The following DENND6B variants were observed in gnomAD, a reference collection of about 807,000 sequenced individuals.
DENND6B encodes DENN domain containing 6B, also known as protein DENND6B.
In DENND6B, 73 loss-of-function variants were observed where a neutral mutation model predicts 85.1. That is an observed-to-expected ratio of 0.86 (90% CI 0.71 to 1.04). DENND6B has a LOEUF of 1.04. Among genes scored for constraint, DENND6B ranks in the 50% least tolerant of loss-of-function variants. DENND6B has a pLI of 0.00. For missense variants in DENND6B, 715 were observed against 785.8 expected (o/e 0.91, Z 1.08); for synonymous variants, 357 against 329.3 (o/e 1.08, Z -0.91).
At position 50,315,755 on chromosome 22, in the gene DENND6B, G is replaced by A. The variant is rs1369564343; in HGVS notation, c.717C>T (p.Ala239=). 2.6e-6 allele frequency: 4 copies of A among 1,545,932 alleles called. No homozygotes were observed. The highest frequency in any genetic ancestry group is 3.5e-6 in the Non-Finnish European group (4 of 1,146,856). ...KQFDQENLLP[A]PVVLASVHEL... is the part of the protein sequence containing the mutation. ...CGTGGACGCTAGCAAGAACCACTGG[G>A]GCTGGCAGCAGGTTCTGAGAGGAGG... is the stretch of plus-strand genomic sequence containing the variant. Residue 239 remains alanine, a synonymous_variant, in exon 9 of 20, where the codon GCC becomes GCT. Transcript: ENST00000413817.
Position 50,326,947 on chromosome 22 carries a change from G to A in DENND6B, c.42C>T (p.Gly14=). Residue 14 remains glycine (G), a synonymous_variant, in exon 1 of 20, where the codon GGC becomes GGT. Coordinates refer to ENST00000413817, the MANE Select transcript of DENND6B (RefSeq NM_001001794.4). Reference sequence around the variant, plus strand: ...ACGTGGGTCCAGCCGCGCCCAGGCAGCCGCGAGCCCGGCGAGGCCCTGTGC... The same window carrying A: ...ACGTGGGTCCAGCCGCGCCCAGGCAACCGCGAGCCCGGCGAGGCCCTGTGC... ...LLGTGPRRAR[G]CLGAAGPTSS... 7.8e-7 allele frequency: 1 copy of A among 1,284,928 alleles called. No individual in the cohort carries two copies. The highest frequency in any genetic ancestry group is 9.8e-7 in the Non-Finnish European group (1 of 1,021,720). 79.6% of individuals were successfully genotyped at this position (1,284,928 alleles called of 1,614,324 possible). A position where few individuals can be genotyped will look rare whatever the true frequency, so the allele number is the denominator to read the frequency against.
chr22:50,316,340 C>A (rs1412846349), intron 6 of DENND6B, 30 bp downstream of exon 6: 6 of 1,562,080 alleles, frequency 3.8e-6, no homozygotes, highest in East Asian at 4.8e-5. Context: ...GATGATGAGA[C>A]CACGATGGCC....
rs1369518642 is a variant in DENND6B at position 50,316,536 on chromosome 22, G to A, written c.454-61C>T. On this transcript the variant is annotated intron_variant, in intron 5 of 19. Transcript: ENST00000413817. ...CAGGCCTCACCCTCGCCACTCAGGA[G>A]CCCACGGGGACCACCGAAGCCACGC... 3 of 1,548,994 alleles carry A rather than the reference G, an allele frequency of 1.9e-6. No individual in the cohort carries two copies. The South Asian group carries it at 3.6e-5, about 18-fold the overall frequency.
In DENND6B at chr22:50,314,195, G is replaced by A; in HGVS notation, c.1138+12C>T. On this transcript the variant is annotated intron_variant, in intron 13 of 19. Coordinates refer to ENST00000413817, the MANE Select transcript of DENND6B (RefSeq NM_001001794.4). ...CACGGTGGAGGGGCTCCAGGTCGAG[G>A]GGAGCACAGACCTGGCTTGGTGTCC... The A allele has an allele frequency of 2.5e-6, 4 of 1,598,646 alleles. No individual in the cohort carries two copies. The highest frequency in any genetic ancestry group is 3.4e-6 in the Non-Finnish European group (4 of 1,175,448).
In DENND6B at chr22:50,316,076, T is replaced by G. The variant is rs1220968245; in HGVS notation, c.651A>C (p.Pro217=). 1.1e-5 allele frequency: 18 copies of G among 1,612,562 alleles called. No individual in the cohort carries two copies. The highest frequency in any genetic ancestry group is 1.3e-5 in the African/African-American group (1 of 75,014). ...TGGACTCGGACTTGTCCACCCTGGA[T>G]GGGATGCGCACCTGGGAGAAGGAGG... The part of the protein sequence containing the change: ...VMGVVVQVRI[P]SRVDKSESSP... The change falls in exon 8 of 20, where the codon CCA becomes CCC. Residue 217 remains proline, a synonymous_variant. Transcript: ENST00000413817.
At chr22:50,324,313 C>T (rs2042134031) in intron 1 of DENND6B, among the ~76,000 whole-genome samples, 1 of 152,220 alleles carries the variant, frequency 6.6e-6, no homozygotes, top group Non-Finnish European at 1.5e-5. Flanking sequence ...ACTTACTCTC[C>T]ATATCACTGG....
chr22:50,325,672 C>G (rs934978844), intron 1 of DENND6B, among the ~76,000 whole-genome samples: 1 of 152,112 alleles, frequency 6.6e-6, no homozygotes, highest in Non-Finnish European at 1.5e-5. Flanking sequence ...TTGTGGGGAA[C>G]AATCTGGGCA....
intron 1 of DENND6B, chr22:50,319,507 G>C: frequency 1.5e-5 from 15 of 971,278 alleles, no homozygotes; most frequent in Non-Finnish European, 1.8e-5. Context: ...GCATCAGAAG[G>C]GTAGTGCTTC....
Position 50,317,974 on chromosome 22 carries a change from T to A in DENND6B, c.306A>T (p.Gly102=). The change falls in exon 4 of 20, where the codon GGA becomes GGT. Residue 102 remains glycine (G), a synonymous_variant. Transcript: ENST00000413817. The stretch of plus-strand genomic sequence containing the variant: ...CGGCATGCCAGGGGCTCCTCTGCCC[T>A]CCACACTGGCGCATGCGGAAGCTGA... ...TQFSFRMRQC[G]GQRSPWHADD... 1 of 1,612,500 alleles carries A rather than the reference T, an allele frequency of 6.2e-7. No individual in the cohort carries two copies. The highest frequency in any genetic ancestry group is 8.5e-7 in the Non-Finnish European group (1 of 1,179,680).
intron 1 of DENND6B, among the ~76,000 whole-genome samples, chr22:50,323,785 A>C (rs948646037): frequency 7.3e-6 from 1 of 136,874 alleles, no homozygotes; most frequent in Non-Finnish European, 1.5e-5. Context: ...CCTAGGCTGG[A>C]GTGCAGTGGT....
chr22:50,309,351 G>A lies in DENND6B; in HGVS notation c.*2788C>T, dbSNP rs1196299373. On this transcript the variant is annotated 3_prime_UTR_variant, in exon 20 of 20. Transcript: ENST00000413817. The stretch of plus-strand genomic sequence containing the variant: ...ACTCTGGCCAGGGGTAGAGCTGTCT[G>A]GACCTTCCTGCCTCTTCACTGACTG... The A allele has an allele frequency of 6.6e-6, 1 of 152,426 alleles. No homozygotes were observed. Among genetic ancestry groups the A allele is most frequent in the African/African-American group, 2.4e-5 (1 of 41,468 alleles). 9.4% of individuals were successfully genotyped at this position (152,426 alleles called of 1,614,324 possible). A position where few individuals can be genotyped will look rare whatever the true frequency, so the allele number is the denominator to read the frequency against.
intron 3 of DENND6B, 68 bp downstream of exon 3, chr22:50,318,779 C>G: frequency 6.3e-7 from 1 of 1,595,080 alleles, no homozygotes; most frequent in South Asian, 1.1e-5. Flanking sequence ...CCATGATGCC[C>G]CTGGCCCAGG....
At chr22:50,319,547 G>C in intron 1 of DENND6B, 1 of 978,606 alleles carries the variant, frequency 1.0e-6, no homozygotes, top group Non-Finnish European at 1.2e-6. Context: ...CACCCGGGAT[G>C]GTCACGGGGC....
At chr22:50,318,093 G>C in intron 3 of DENND6B, 73 bp from the exon 4 acceptor site, 4 of 1,496,084 alleles carry the variant, frequency 2.7e-6, no homozygotes, top group Non-Finnish European at 3.7e-6. Flanking sequence ...CTGGTGACCG[G>C]GGAGCAAGGG....
At chr22:50,313,789 A>AGCCCCT (rs1184762470) in intron 14 of DENND6B, 25 bp downstream of exon 14, 4 of 1,610,992 alleles carry the variant, frequency 2.5e-6, no homozygotes, top group Non-Finnish European at 3.4e-6. Flanking sequence ...CTGCGTCCCC[A>AGCCCCT]GCCCCTGCCC....
intron 13 of DENND6B, 112 bp downstream of exon 13, chr22:50,314,095 C>T (rs1396040150): frequency 7.3e-7 from 1 of 1,375,290 alleles, no homozygotes; most frequent in Admixed American, 2.6e-5. Context: ...GCTGCTGAGT[C>T]CTGGAAGAGG....
At chr22:50,325,426 C>A (rs1407171750) in intron 1 of DENND6B, among the ~76,000 whole-genome samples, 5 of 151,216 alleles carry the variant, frequency 3.3e-5, no homozygotes, top group South Asian at 2.1e-4. Flanking sequence ...CAACCTCCCC[C>A]TCCCGGGTTC....
intron 1 of DENND6B, among the ~76,000 whole-genome samples, chr22:50,323,637 G>C (rs1331194521): frequency 6.6e-6 from 1 of 150,856 alleles, no homozygotes; most frequent in Non-Finnish European, 1.5e-5. Flanking sequence ...GACCAAGCTG[G>C]TCTAGAACTC....
intron 4 of DENND6B, 38 bp downstream of exon 4, chr22:50,317,870 A>G (rs776718739): frequency 5.1e-6 from 8 of 1,575,076 alleles, no homozygotes; most frequent in African/African-American, 2.7e-5. Flanking sequence ...CTTGGGGAGC[A>G]GGGGAGAAGC....
Sources: allele counts gnomAD v4.1 joint callset (sites outside exome capture counted in the v4.1 genomes callset), GRCh38; gene constraint gnomAD v4.1.1; transcripts MANE v1.5; gene names NCBI Gene and HGNC (gene_info 2026-07-23, HGNC 2026-07-21).